CCDC60: variants seen among roughly 807,000 people sequenced by gnomAD.
The protein encoded by CCDC60 is coiled-coil domain-containing protein 60.
CCDC60 carries 54 observed loss-of-function variants against 63.5 expected under a neutral mutation model. That is an observed-to-expected ratio of 0.85 (90% confidence interval 0.68 to 1.07). The LOEUF is 1.07. Among genes scored for constraint, CCDC60 ranks in the 50% least tolerant of loss-of-function variants. CCDC60 has a pLI of 0.00. For missense variants in CCDC60, 651 were observed against 684.3 expected, an observed-to-expected ratio of 0.95 and a Z score of 0.54; for synonymous variants, 206 against 238.8, an observed-to-expected ratio of 0.86 and a Z score of 1.27.
intron 1 of CCDC60, among the ~76,000 whole-genome samples, chr12:119,343,682 ATATG>A (rs1214289021): frequency 4.4e-5 from 6 of 134,844 alleles, no homozygotes; most frequent in African/African-American, 1.4e-4. Context: ...ATATATATAT[ATATG>A]TATATATAAG....
rs1952366182 is a variant in CCDC60, at chr12:119,516,765, CA to C, written c.968+59del. ...CTTAGAATAATAGCAATCACATTAA[CA>C]GTAGTAGTTGCCAACTGTTGAGCAT... On this transcript the variant is annotated intron_variant, in intron 8 of 13. Coordinates refer to ENST00000327554, the MANE Select transcript of CCDC60 (RefSeq NM_178499.5). 15 of 1,202,586 alleles carry C rather than the reference CA, an allele frequency of 1.2e-5. No individual in the cohort carries two copies. The Admixed American group carries it at 2.8e-4, about 22-fold the overall frequency. 74.5% of individuals were successfully genotyped at this position (1,202,586 alleles called of 1,614,324 possible).
intron 1 of CCDC60, among the ~76,000 whole-genome samples, chr12:119,355,332 G>A (rs1955705456): frequency 6.6e-6 from 1 of 152,096 alleles, no homozygotes; most frequent in African/African-American, 2.4e-5. Flanking sequence ...CTCCCTTTAA[G>A]AAGCTTTCTC....
intron 1 of CCDC60, among the ~76,000 whole-genome samples, chr12:119,364,225 G>A (rs766221730): frequency 5.9e-5 from 9 of 151,948 alleles, no homozygotes; most frequent in Non-Finnish European, 1.0e-4. Flanking sequence ...TTTTTGAGGT[G>A]TAATTTACAT....
chr12:119,498,469 A>T (rs1264941620), intron 5 of CCDC60, among the ~76,000 whole-genome samples: 1 of 151,992 alleles, frequency 6.6e-6, no homozygotes, highest in African/African-American at 2.4e-5. Flanking sequence ...AGCAGCTGGG[A>T]TTACAGGTGT....
intron 1 of CCDC60, among the ~76,000 whole-genome samples, chr12:119,375,498 T>TGGGGA (rs1399998748): frequency 6.6e-6 from 1 of 152,078 alleles, no homozygotes; most frequent in African/African-American, 2.4e-5. Flanking sequence ...CTGGGCCACA[T>TGGGGA]CCCTCCACCC....
chr12:119,409,075 G>A (rs1956546412), intron 1 of CCDC60, among the ~76,000 whole-genome samples: 1 of 152,178 alleles, frequency 6.6e-6, no homozygotes, highest in African/African-American at 2.4e-5. Flanking sequence ...ACCTCCAGGG[G>A]AGGAGATTAT....
At chr12:119,337,982 C>T (rs1056525815) in intron 1 of CCDC60, among the ~76,000 whole-genome samples, 12 of 151,950 alleles carry the variant, frequency 7.9e-5, no homozygotes, top group African/African-American at 2.9e-4. Context: ...ATGAAATGAT[C>T]ATCTCTTTCT....
intron 2 of CCDC60, among the ~76,000 whole-genome samples, chr12:119,437,548 C>G (rs1177356474): frequency 6.6e-6 from 1 of 152,196 alleles, no homozygotes; most frequent in African/African-American, 2.4e-5. Flanking sequence ...GCAGGAGGAA[C>G]AGACCTCACC....
Position 119,410,845 on chromosome 12 carries a change from C to A in CCDC60, c.91-17838C>A, listed in dbSNP as rs1956584857. ...GCAGCCTCTGCCTCCCCAGCTCAAG[C>A]AATTCTCCTGCCTCAGCCTTCTGAG... On this transcript the variant is annotated intron_variant, in intron 1 of 13. Transcript: ENST00000327554. The surrounding 1 kb of genome is among the most constrained non-coding windows in gnomAD (Gnocchi z 4.0). Among the ~76,000 whole-genome samples the A allele has an allele frequency of 6.6e-6, 1 of 152,188 alleles. No homozygotes were observed. Among genetic ancestry groups the A allele is most frequent in the South Asian group, 2.1e-4 (1 of 4,834 alleles).
chr12:119,527,165 G>C (rs946834294), intron 11 of CCDC60, among the ~76,000 whole-genome samples: 1 of 151,980 alleles, frequency 6.6e-6, no homozygotes, highest in Non-Finnish European at 1.5e-5. Context: ...CACAGGAACA[G>C]AAAACCAAAT....
chr12:119,425,354 ACACCAGAATGGGGGT>A (rs1956881810), intron 1 of CCDC60, among the ~76,000 whole-genome samples: 1 of 152,204 alleles, frequency 6.6e-6, no homozygotes, highest in African/African-American at 2.4e-5. Context: ...ACTATAAAAT[ACACCAGAATGGGGGT>A]CATCTGATCT....
rs774347363 is a variant in CCDC60 at position 119,373,597 on chromosome 12, G to T, written c.90+38331G>T. On this transcript the variant is annotated intron_variant, in intron 1 of 13. Transcript: ENST00000327554. Reference sequence around the variant, plus strand: ...TGGACTTGAAACTGCACTGGTGAAAGTTTATGCTTTAGTTTTGCCACCAAA... The same window carrying T: ...TGGACTTGAAACTGCACTGGTGAAATTTTATGCTTTAGTTTTGCCACCAAA... Among the ~76,000 whole-genome samples the T allele has an allele frequency of 4.6e-5, 6 of 131,556 alleles. No individual in the cohort carries two copies. In the Admixed American group the frequency reaches 5.5e-4, roughly 12 times the overall value. 86.3% of individuals were successfully genotyped at this position (131,556 alleles called of 152,430 possible). A position where few individuals can be genotyped will look rare whatever the true frequency, so the allele number is the denominator to read the frequency against.
At chr12:119,349,104 C>A (rs548951953) in intron 1 of CCDC60, among the ~76,000 whole-genome samples, 14 of 152,074 alleles carry the variant, frequency 9.2e-5, no homozygotes, top group Admixed American at 3.3e-4. Flanking sequence ...GTTAGTGGAC[C>A]ATCCATCATT....
In CCDC60 at chr12:119,453,585, T is replaced by C. The variant is rs146767172; in HGVS notation, c.171-18409T>C. Among the ~76,000 whole-genome samples, 221 of 152,312 alleles carry C rather than the reference T, an allele frequency of 1.5e-3. 4 individuals carry two copies. The South Asian group carries it at 0.017, about 12-fold the overall frequency. On this transcript the variant is annotated intron_variant, in intron 2 of 13. Transcript: ENST00000327554. ...AATTTACTAAATCCCCAAATAATTG[T>C]AATCTAATTAGACTGTTCTTCCCAT...
chr12:119,450,048 T>C (rs1950603210), intron 2 of CCDC60, among the ~76,000 whole-genome samples: 1 of 152,148 alleles, frequency 6.6e-6, no homozygotes, highest in Non-Finnish European at 1.5e-5. Flanking sequence ...CAACAGATGA[T>C]TGGACCAAGA....
intron 7 of CCDC60, among the ~76,000 whole-genome samples, chr12:119,508,284 C>T (rs948238274): frequency 7.2e-5 from 11 of 151,930 alleles, no homozygotes; most frequent in African/African-American, 2.7e-4. Flanking sequence ...AGATCAAGAC[C>T]ATCCTGGCCA....
intron 4 of CCDC60, among the ~76,000 whole-genome samples, chr12:119,481,964 CAT>C (rs1312103973): frequency 2.4e-5 from 3 of 122,652 alleles, no homozygotes; most frequent in African/African-American, 7.5e-5. Context: ...AGTATTCCAT[CAT>C]ATATATATAG....
chr12:119,430,100 C>T (rs1220188712), intron 2 of CCDC60, among the ~76,000 whole-genome samples: 4 of 151,878 alleles, frequency 2.6e-5, no homozygotes, highest in East Asian at 1.9e-4. Context: ...ACTTAGAACA[C>T]GTGTCAATTT....
intron 4 of CCDC60, among the ~76,000 whole-genome samples, chr12:119,485,002 C>A (rs561223898): frequency 6.6e-6 from 1 of 152,268 alleles, no homozygotes; most frequent in East Asian, 1.9e-4. Flanking sequence ...GTGAGCCCAG[C>A]CCAGACCCAG....
Sources: allele counts gnomAD v4.1 joint callset (sites outside exome capture counted in the v4.1 genomes callset), GRCh38; gene constraint gnomAD v4.1.1; non-coding constraint Gnocchi (gnomAD v3.1); transcripts MANE v1.5; gene names NCBI Gene and HGNC (gene_info 2026-07-23, HGNC 2026-07-21).